The following ZNF407 variants were observed in gnomAD, a reference collection of about 807,000 sequenced individuals.
ZNF407 encodes zinc finger protein 407.
Under a neutral mutation model 131.2 loss-of-function variants are expected in ZNF407, and 17 were observed. That is an observed-to-expected ratio of 0.13 (90% CI 0.09 to 0.19). The LOEUF (loss-of-function observed/expected upper bound fraction) is 0.19. Ranked by LOEUF, ZNF407 falls within the 10% of genes least tolerant of loss-of-function variation. The probability of loss-of-function intolerance (pLI) is 1.00; values close to 1 mark genes in which losing one functional copy is unlikely to be tolerated. For missense variants in ZNF407, 2,681 were observed against 2,830.6 expected (o/e 0.95, Z 1.20); for synonymous variants, 1,156 against 1,062.0 (o/e 1.09, Z -1.72).
At chr18:74,939,973 AATGG>A (rs1437313925) in intron 8 of ZNF407, among the ~76,000 whole-genome samples, 1 of 152,226 alleles carries the variant, frequency 6.6e-6, no homozygotes, top group Non-Finnish European at 1.5e-5. Context: ...TTAGGTAGAA[AATGG>A]ATACAAAAAC....
chr18:74,804,511 CAG>C (rs1270733138), intron 4 of ZNF407: 6 of 987,808 alleles, frequency 6.1e-6, no homozygotes, highest in Non-Finnish European at 7.2e-6. Context: ...ATTTCACACT[CAG>C]ATGCAAAAAT....
At chr18:74,683,626 T>G (rs1263183002) in intron 3 of ZNF407, among the ~76,000 whole-genome samples, 3 of 152,220 alleles carry the variant, frequency 2.0e-5, no homozygotes, top group Admixed American at 1.3e-4. Context: ...AATGAATGAA[T>G]CACACTTGTA....
intron 3 of ZNF407, among the ~76,000 whole-genome samples, chr18:74,661,001 C>T (rs193117877): frequency 2.7e-4 from 41 of 152,220 alleles, no homozygotes; most frequent in African/African-American, 9.4e-4. Flanking sequence ...CTATTAAAAG[C>T]GGATGTCATA....
chr18:75,037,814 T>C (rs1485558474), intron 8 of ZNF407, among the ~76,000 whole-genome samples: 1 of 152,146 alleles, frequency 6.6e-6, no homozygotes, highest in East Asian at 1.9e-4. Flanking sequence ...ACAGTTTGGC[T>C]CAAGTGTGTT....
chr18:74,847,459 T>G (rs1295830911), intron 4 of ZNF407, among the ~76,000 whole-genome samples: 1 of 152,260 alleles, frequency 6.6e-6, no homozygotes, highest in East Asian at 1.9e-4. Context: ...AGCTCTTTGC[T>G]TTAAAGTTAT....
chr18:74,893,907 A>T (rs1599225888), intron 7 of ZNF407, among the ~76,000 whole-genome samples: 1 of 152,246 alleles, frequency 6.6e-6, no homozygotes, highest in Non-Finnish European at 1.5e-5. Flanking sequence ...GCCATTATTA[A>T]CACTTAATCT....
intron 8 of ZNF407, among the ~76,000 whole-genome samples, chr18:74,984,620 C>G (rs1212722295): frequency 6.6e-6 from 1 of 152,210 alleles, no homozygotes; most frequent in Non-Finnish European, 1.5e-5. Context: ...TAATAACCAA[C>G]TATGTGCCAT....
Position 74,634,832 on chromosome 18 carries a change from C to T in ZNF407, c.3813C>T (p.Thr1271=), listed in dbSNP as rs1430888803. ...ESPVLVVTRI[T]REQGNLESGG... ...CTGTGCTCGTTGTGACAAGAATAACCAGAGAACAGGGAAATCTGGAGAGCG... is the reference window on the plus strand; with the variant it reads ...CTGTGCTCGTTGTGACAAGAATAACTAGAGAACAGGGAAATCTGGAGAGCG... Residue 1271 remains threonine (T), a synonymous_variant, in exon 2 of 9, where the codon ACC becomes ACT. Coordinates refer to ENST00000299687, the MANE Select transcript of ZNF407 (RefSeq NM_017757.3). The T allele has an allele frequency of 6.2e-7, 1 of 1,613,896 alleles. No individual in the cohort carries two copies.
At chr18:74,731,764 A>G (rs1968299577) in intron 3 of ZNF407, among the ~76,000 whole-genome samples, 1 of 152,152 alleles carries the variant, frequency 6.6e-6, no homozygotes, top group Admixed American at 6.5e-5. Flanking sequence ...CAGGATGCAG[A>G]AGGATCCCTG....
At chr18:74,870,187 T>A (rs1438319174) in intron 4 of ZNF407, among the ~76,000 whole-genome samples, 1 of 152,194 alleles carries the variant, frequency 6.6e-6, no homozygotes, top group Non-Finnish European at 1.5e-5. Flanking sequence ...AACCCTTGAA[T>A]TGAATTGAAA....
intron 3 of ZNF407, among the ~76,000 whole-genome samples, chr18:74,741,819 G>A (rs1420244737): frequency 2.0e-5 from 3 of 152,098 alleles, no homozygotes; most frequent in Admixed American, 6.6e-5. Context: ...AAGAGCCTGC[G>A]AACCCCTTTG....
chr18:74,752,553 A>G (rs1968831284), intron 3 of ZNF407, among the ~76,000 whole-genome samples: 1 of 152,176 alleles, frequency 6.6e-6, no homozygotes, highest in Non-Finnish European at 1.5e-5. Context: ...ATTTTTGTAT[A>G]GGGTGTAAGG....
rs774946239 is a variant in ZNF407 at position 74,632,926 on chromosome 18, C to G, written c.1907C>G (p.Thr636Ser). ...SEKDVEEHKA[T>S]EKHINSLVQP... is the part of the protein sequence containing the mutation. ...AAAGATGTGGAAGAACACAAAGCCA[C>G]CGAGAAGCATATTAATTCATTGGTT... The change falls in exon 2 of 9, where the codon ACC becomes AGC. Residue 636 changes from threonine (T) to serine (S), a missense_variant. Physicochemically the swap from Thr to Ser is moderately conservative, Grantham distance 58. Transcript: ENST00000299687. 7 of 1,613,124 alleles carry G rather than the reference C, an allele frequency of 4.3e-6. No individual in the cohort carries two copies. In the Admixed American group the frequency reaches 1.2e-4, roughly 27 times the overall value.
chr18:75,027,574 G>T (rs1174738805), intron 8 of ZNF407, among the ~76,000 whole-genome samples: 2 of 152,106 alleles, frequency 1.3e-5, no homozygotes, highest in Admixed American at 6.5e-5. Flanking sequence ...AGGGAGCATT[G>T]GTCAATGAGG....
intron 8 of ZNF407, among the ~76,000 whole-genome samples, chr18:75,040,095 C>A (rs559340428): frequency 2.3e-4 from 35 of 152,296 alleles, no homozygotes; most frequent in African/African-American, 8.2e-4. Context: ...CACACCATGT[C>A]ATTCATTGAC....
At chr18:74,875,390 AT>A (rs1971142031) in intron 4 of ZNF407, among the ~76,000 whole-genome samples, 1 of 152,216 alleles carries the variant, frequency 6.6e-6, no homozygotes, top group Non-Finnish European at 1.5e-5. Context: ...CATAGATGTA[AT>A]TTTGTTAAAT....
chr18:75,034,162 G>T (rs904741409), intron 8 of ZNF407, among the ~76,000 whole-genome samples: 15 of 152,168 alleles, frequency 9.9e-5, no homozygotes, highest in African/African-American at 3.6e-4. Flanking sequence ...AGCATATGTA[G>T]ATCTGATCAG....
intron 8 of ZNF407, among the ~76,000 whole-genome samples, chr18:74,944,104 T>A (rs758162994): frequency 6.6e-6 from 1 of 152,188 alleles, no homozygotes; most frequent in Non-Finnish European, 1.5e-5. Flanking sequence ...ATGTGTTTAG[T>A]GTTTAGTTCT....
intron 1 of ZNF407, among the ~76,000 whole-genome samples, chr18:74,606,037 G>A (rs555455596): frequency 2.0e-5 from 3 of 152,302 alleles, no homozygotes; most frequent in Admixed American, 6.5e-5. Context: ...ATGGTTTCAC[G>A]CCAAAGCGCC....
Sources: gnomAD v4.1 joint callset for allele counts (sites outside exome capture counted in the v4.1 genomes callset) on GRCh38, gnomAD v4.1.1 for gene constraint, MANE v1.5 for transcripts, NCBI Gene and HGNC (gene_info 2026-07-23, HGNC 2026-07-21) for gene names.